Variants in XRN2 observed in about 807,000 individuals in gnomAD.
The protein encoded by XRN2 is DHM1-like protein.
Under a neutral mutation model 138.5 loss-of-function variants are expected in XRN2, and 44 were observed. The observed-to-expected ratio is 0.32, with a 90% CI of 0.25 to 0.41. The LOEUF (loss-of-function observed/expected upper bound fraction) is 0.41, where lower values mean the gene tolerates loss of function less well. XRN2 is among the 10% of genes least tolerant of loss of function. The pLI, the probability that XRN2 is intolerant of heterozygous loss-of-function variation, is 1.00. For missense variants in XRN2, 937 were observed against 1,169.3 expected, an observed-to-expected ratio of 0.80 and a Z score of 2.90; for synonymous variants, 354 against 369.4, an observed-to-expected ratio of 0.96 and a Z score of 0.48.
Position 21,356,609 on chromosome 20 carries a change from A to G in XRN2, c.2142A>G (p.Leu714=), listed in dbSNP as rs747284736. 3.0e-5 allele frequency: 49 copies of G among 1,613,568 alleles called. No homozygotes were observed. Among genetic ancestry groups the G allele is most frequent in the Admixed American group, 6.7e-5 (4 of 59,958 alleles). The change falls in exon 23 of 30, where the codon CTA becomes CTG. Residue 714 remains leucine, a synonymous_variant. Coordinates refer to ENST00000377191, the MANE Select transcript of XRN2 (RefSeq NM_012255.5). ...AGCCAGTGGAGGTACCCCCTGAACT[A>G]TGTCATGGGATTCAAGGAAAGTTTT... is the stretch of plus-strand genomic sequence containing the variant. ...STEPVEVPPE[L]CHGIQGKFSL...
chr20:21,336,056 A>G (rs1364278775), intron 13 of XRN2, among the ~76,000 whole-genome samples: 2 of 152,222 alleles, frequency 1.3e-5, no homozygotes, highest in African/African-American at 2.4e-5. Context: ...CAAAAAAGGG[A>G]GAGATCCATA....
intron 14 of XRN2, 151 bp downstream of exon 14, chr20:21,339,239 A>T (rs2038340237): frequency 1.4e-6 from 1 of 726,608 alleles, no homozygotes; most frequent in Non-Finnish European, 2.2e-6. Context: ...TGTAGAAAGA[A>T]CACTGGTGTC....
At chr20:21,330,266 A>G (rs890970746) in intron 4 of XRN2, among the ~76,000 whole-genome samples, 2 of 152,204 alleles carry the variant, frequency 1.3e-5, no homozygotes, top group African/African-American at 4.8e-5. Context: ...CCTGGGTGAC[A>G]GAATGAGACT....
In XRN2 at chr20:21,389,310, C is replaced by T. The variant is rs373151887; in HGVS notation, c.2825C>T (p.Pro942Leu). The change falls in exon 30 of 30, where the codon CCA becomes CTA. Residue 942 changes from proline to leucine, a missense_variant. Pro to Leu is a moderately conservative substitution (Grantham distance 98, BLOSUM62 -3). This residue lies in a region of XRN2 where 372 missense variants were observed against 414.4 expected (regional missense o/e 0.90). Transcript: ENST00000377191. ...GAAGGAAGGAAATACCCTTTGCCAC[C>T]ACCCTCAGGAAGATACAATTGGAAT... Reference protein sequence around the residue: ...PREGRKYPLPPPSGRYNWN With the variant: ...PREGRKYPLPLPSGRYNWN 1.2e-6 allele frequency: 2 copies of T among 1,612,984 alleles called. No individual in the cohort carries two copies. Among genetic ancestry groups the T allele is most frequent in the African/African-American group, 1.3e-5 (1 of 74,978 alleles).
chr20:21,366,164 T>C (rs1183469655), intron 26 of XRN2, among the ~76,000 whole-genome samples: 1 of 3,220 alleles, frequency 3.1e-4, no homozygotes, highest in Non-Finnish European at 4.1e-4. Context: ...ATTTATAGTT[T>C]ATATAATATA....
At chr20:21,331,426 CA>C (rs2038206867) in intron 6 of XRN2, 134 bp from the exon 7 acceptor site, 1 of 706,796 alleles carries the variant, frequency 1.4e-6, no homozygotes, top group Non-Finnish European at 2.5e-6. Context: ...CACACACACA[CA>C]CACACACACA....
intron 27 of XRN2, among the ~76,000 whole-genome samples, chr20:21,380,131 A>G (rs1417071949): frequency 6.6e-6 from 1 of 152,198 alleles, no homozygotes; most frequent in African/African-American, 2.4e-5. Context: ...GTATGTTTCC[A>G]GGGTAACCGC....
intron 24 of XRN2, among the ~76,000 whole-genome samples, chr20:21,364,389 G>A (rs1020666460): frequency 6.6e-6 from 1 of 152,160 alleles, no homozygotes; most frequent in African/African-American, 2.4e-5. Context: ...TCAGAAGACA[G>A]ACTTAGGTAC....
At chr20:21,363,239 A>T (rs2038657660) in intron 24 of XRN2, among the ~76,000 whole-genome samples, 1 of 152,120 alleles carries the variant, frequency 6.6e-6, no homozygotes, top group Admixed American at 6.5e-5. Flanking sequence ...TTCCCTTATT[A>T]GAAGGGGAGG....
intron 20 of XRN2, among the ~76,000 whole-genome samples, chr20:21,353,687 C>T (rs374853712): frequency 6.6e-6 from 1 of 151,470 alleles, no homozygotes; most frequent in Admixed American, 6.6e-5. Context: ...CCCAGCTACT[C>T]AGGAGGCTGA....
intron 27 of XRN2, among the ~76,000 whole-genome samples, chr20:21,372,194 G>A (rs562492916): frequency 1.4e-3 from 210 of 152,322 alleles, no homozygotes; most frequent in African/African-American, 3.9e-3. Context: ...GAGGATTAGT[G>A]CTGGGACTCT....
rs192775528 is a variant in XRN2 at position 21,351,733 on chromosome 20, A to C, written c.1936+2272A>C. 7.2e-5 allele frequency among the ~76,000 whole-genome samples: 11 copies of C among 152,260 alleles called. No individual in the cohort carries two copies. The East Asian group carries it at 1.9e-3, about 27-fold the overall frequency. On this transcript the variant is annotated intron_variant, in intron 20 of 29. Transcript: ENST00000377191. ...ACACAGTTTTAGTTCTTACATTTAA[A>C]TCTGATCCATTTTGAATTAATTTTT...
intron 13 of XRN2, 134 bp downstream of exon 13, chr20:21,334,319 T>C: frequency 1.4e-6 from 1 of 708,922 alleles, no homozygotes. Flanking sequence ...TAATCATGAG[T>C]GGTCAGTGCT....
intron 22 of XRN2, 101 bp from the exon 23 acceptor site, chr20:21,356,485 T>C (rs1414219690): frequency 9.6e-7 from 1 of 1,042,112 alleles, no homozygotes; most frequent in African/African-American, 1.6e-5. Flanking sequence ...GTTTCTGCCT[T>C]TTGGCTCTTA....
chr20:21,303,513 C>T (rs1039397688), intron 1 of XRN2, 40 bp downstream of exon 1: 7 of 1,531,720 alleles, frequency 4.6e-6, no homozygotes, highest in Middle Eastern at 2.3e-4. Context: ...CGAGCCCGGG[C>T]CCCCGGCACG....
At chr20:21,305,425 A>AT (rs1021205523) in intron 1 of XRN2, among the ~76,000 whole-genome samples, 43 of 150,062 alleles carry the variant, frequency 2.9e-4, no homozygotes, top group African/African-American at 5.1e-4. Flanking sequence ...CGCCCAGCTG[A>AT]TTTTTTTTTA....
At position 21,389,472 on chromosome 20, in the gene XRN2, C is replaced by T. The variant is rs552992675; in HGVS notation, c.*134C>T. ...GTATTTCTTTTAACTGTGTATATTT[C>T]TACTGATCTGATCTCACTGTTTATG... On this transcript the variant is annotated 3_prime_UTR_variant, in exon 30 of 30. Transcript: ENST00000377191. The T allele has an allele frequency of 1.4e-3, 1,067 of 755,508 alleles. 6 individuals are homozygous for T. The highest frequency in any genetic ancestry group is 2.9e-3 in the Middle Eastern group (12 of 4,170). 46.8% of individuals were successfully genotyped at this position (755,508 alleles called of 1,614,324 possible).
intron 1 of XRN2, 46 bp downstream of exon 1, chr20:21,303,519 G>A (rs2037767880): frequency 1.3e-6 from 2 of 1,519,566 alleles, no homozygotes; most frequent in African/African-American, 1.4e-5. Flanking sequence ...CGGGCCCCCG[G>A]CACGTCTAGG....
intron 1 of XRN2, among the ~76,000 whole-genome samples, chr20:21,319,452 C>T (rs962538977): frequency 2.6e-5 from 4 of 151,876 alleles, no homozygotes; most frequent in Non-Finnish European, 5.9e-5. Context: ...CTCTATTTCT[C>T]CTTTGTGCTT....
Sources: allele counts gnomAD v4.1 joint callset (sites outside exome capture counted in the v4.1 genomes callset), GRCh38; gene constraint gnomAD v4.1.1; regional missense constraint gnomAD v4.1.1; transcripts MANE v1.5; gene names NCBI Gene and HGNC (gene_info 2026-07-23, HGNC 2026-07-21).